Variants in SFXN5 observed in about 807,000 individuals in gnomAD.
SFXN5 encodes the protein sideroflexin 5, also known as sideroflexin-5.
In SFXN5, 43 loss-of-function variants were observed where a neutral mutation model predicts 50.2. That is an observed-to-expected ratio of 0.86 (90% confidence interval 0.67 to 1.11). The LOEUF (loss-of-function observed/expected upper bound fraction) is 1.11, where lower values mean the gene tolerates loss of function less well. SFXN5 is among the 50% of genes least tolerant of loss of function. The probability of loss-of-function intolerance (pLI) is 0.00; values close to 1 mark genes in which losing one functional copy is unlikely to be tolerated. For synonymous variants in SFXN5, 203 were observed against 185.8 expected (o/e 1.09, Z -0.75); for missense variants, 463 against 454.1 (o/e 1.02, Z -0.18).
At position 72,992,749 on chromosome 2, in the gene SFXN5, C is replaced by T. The variant is rs1672751848; in HGVS notation, c.535-4401G>A. Among the ~76,000 whole-genome samples the T allele has an allele frequency of 6.6e-6, 1 of 152,230 alleles. No individual in the cohort carries two copies. Among genetic ancestry groups the T allele is most frequent in the African/African-American group, 2.4e-5 (1 of 41,456 alleles). ...GACAGTGCACCTCCTAACCAGGCCCCCTGTTTCCACTCTTGCCCCCATCCA... is the reference window on the plus strand; with the variant it reads ...GACAGTGCACCTCCTAACCAGGCCCTCTGTTTCCACTCTTGCCCCCATCCA... On this transcript the variant is annotated intron_variant, in intron 9 of 13. Coordinates refer to ENST00000272433, the MANE Select transcript of SFXN5 (RefSeq NM_144579.3). This position sits in a 1 kb window ranked among gnomAD's most constrained non-coding sequence, Gnocchi z 4.5.
rs1211626188 is a variant in SFXN5, at chr2:73,020,335, C to T, written c.332-71G>A. 5.9e-6 allele frequency: 9 copies of T among 1,519,642 alleles called. No individual in the cohort carries two copies. In the East Asian group the frequency reaches 6.8e-5, roughly 11 times the overall value. The allele number at this position is 1,519,642 out of a possible 1,614,324, so 94.1% of individuals were successfully genotyped here. On this transcript the variant is annotated intron_variant, in intron 5 of 13. Transcript: ENST00000272433. Reference sequence around the variant, plus strand: ...CTCACCTGAGATACCCAGGAGCCTCCGGGTTAGGTCTTAGGCTATCAGTGG... The same window carrying T: ...CTCACCTGAGATACCCAGGAGCCTCTGGGTTAGGTCTTAGGCTATCAGTGG...
intron 2 of SFXN5, among the ~76,000 whole-genome samples, chr2:73,047,146 C>A (rs1680440008): frequency 7.1e-6 from 1 of 140,492 alleles, no homozygotes; most frequent in Admixed American, 7.6e-5. Flanking sequence ...ATTGCTTGAA[C>A]CTGGGAGGCT....
At chr2:73,040,771 T>C in intron 3 of SFXN5, 83 bp downstream of exon 3, 2 of 1,143,258 alleles carry the variant, frequency 1.7e-6, no homozygotes, top group Admixed American at 4.1e-5. Flanking sequence ...AAAGAAGTGG[T>C]TCTGGCTGCA....
chr2:72,988,310 G>A lies in SFXN5; in HGVS notation c.573C>T (p.Phe191=). 6.2e-7 allele frequency: 1 copy of A among 1,613,892 alleles called. No individual in the cohort carries two copies. The highest frequency in any genetic ancestry group is 8.5e-7 in the Non-Finnish European group (1 of 1,179,822). ...LNVLVQKANK[F]TPATRLLIQR... is the part of the protein sequence containing the mutation. ...GGATGAGAAGGCGGGTGGCTGGGGTGAACTTGTTGGCTTTCTGAACCAGGA... is the reference window on the plus strand; with the variant it reads ...GGATGAGAAGGCGGGTGGCTGGGGTAAACTTGTTGGCTTTCTGAACCAGGA... Residue 191 remains phenylalanine, a synonymous_variant, in exon 10 of 14, where the codon TTC becomes TTT. Coordinates refer to ENST00000272433, the MANE Select transcript of SFXN5 (RefSeq NM_144579.3).
chr2:73,009,573 T>C (rs1052189984), intron 6 of SFXN5, among the ~76,000 whole-genome samples: 5 of 152,244 alleles, frequency 3.3e-5, no homozygotes, highest in African/African-American at 4.8e-5. Context: ...CTCGTAGAGC[T>C]GCTGGGAGGT....
chr2:72,991,106 G>C (rs1353652196), intron 9 of SFXN5, among the ~76,000 whole-genome samples: 1 of 152,240 alleles, frequency 6.6e-6, no homozygotes, highest in Non-Finnish European at 1.5e-5. Flanking sequence ...CTTGGGGGTA[G>C]GCAGGGCTGG....
At chr2:72,982,485 TG>T (rs1671426753) in intron 10 of SFXN5, among the ~76,000 whole-genome samples, 2 of 152,220 alleles carry the variant, frequency 1.3e-5, no homozygotes, top group South Asian at 4.1e-4. Context: ...AGCACTCATT[TG>T]ATCATTGAAT....
chr2:73,024,788 T>C lies in SFXN5; in HGVS notation c.250-1574A>G, dbSNP rs1481698924. Among the ~76,000 whole-genome samples the C allele has an allele frequency of 2.6e-5, 4 of 152,246 alleles. 1 individual carries two copies. Among genetic ancestry groups the C allele is most frequent in the Admixed American group, 6.5e-5 (1 of 15,286 alleles). ...TAAAGTTTTATAATAGAATGGTTGT[T>C]ATGCTTCATGTATATGGCAATGTTG... On this transcript the variant is annotated intron_variant, in intron 3 of 13. Coordinates refer to ENST00000272433, the MANE Select transcript of SFXN5 (RefSeq NM_144579.3).
chr2:72,951,647 C>T (rs1256570261), intron 13 of SFXN5, among the ~76,000 whole-genome samples: 1 of 150,322 alleles, frequency 6.7e-6, no homozygotes, highest in Non-Finnish European at 1.5e-5. Context: ...GGGCTTTTAC[C>T]TACTACAAAG....
chr2:72,955,668 C>A (rs536585912), intron 13 of SFXN5, among the ~76,000 whole-genome samples: 4 of 152,358 alleles, frequency 2.6e-5, no homozygotes, highest in Admixed American at 2.0e-4. Context: ...GTTAGAGGGA[C>A]ATTTGCCACC....
At chr2:72,981,996 T>C (rs62147697) in intron 10 of SFXN5, among the ~76,000 whole-genome samples, 25,220 of 142,932 alleles carry the variant, frequency 0.18, 2,271 homozygotes, top group East Asian at 0.33. Context: ...TGTGTGTGTG[T>C]GCGTGCCATT....
chr2:72,950,751 C>G lies in SFXN5; in HGVS notation c.946-5652G>C, dbSNP rs1052082175. Among the ~76,000 whole-genome samples, 1 of 152,246 alleles carries G rather than the reference C, an allele frequency of 6.6e-6. No homozygotes were observed. ...AAAGTGACTCAGGTCTGAGCAAAGG[C>G]AATAAAGCATCTCTTCCTGCTGCCC... is the stretch of plus-strand genomic sequence containing the variant. On this transcript the variant is annotated intron_variant, in intron 13 of 13. Coordinates refer to ENST00000272433, the MANE Select transcript of SFXN5 (RefSeq NM_144579.3). The surrounding 1 kb of genome is among the most constrained non-coding windows in gnomAD (Gnocchi z 4.2).
At chr2:73,025,873 G>A (rs1246779896) in intron 3 of SFXN5, among the ~76,000 whole-genome samples, 1 of 152,202 alleles carries the variant, frequency 6.6e-6, no homozygotes, top group Non-Finnish European at 1.5e-5. Flanking sequence ...CTCCAGAGAA[G>A]CTAAATCACA....
At chr2:72,965,187 G>A (rs964934682) in intron 12 of SFXN5, among the ~76,000 whole-genome samples, 5 of 152,168 alleles carry the variant, frequency 3.3e-5, no homozygotes, top group African/African-American at 4.8e-5. Context: ...GACGTTGAGG[G>A]GAGCACGCTG....
At chr2:73,059,549 C>A in intron 1 of SFXN5, 3 of 985,334 alleles carry the variant, frequency 3.0e-6, no homozygotes, top group South Asian at 9.4e-5. Context: ...AAGGACCCTG[C>A]AATAGGCTCC....
At chr2:73,058,906 A>G (rs992754896) in intron 1 of SFXN5, 4 of 392,964 alleles carry the variant, frequency 1.0e-5, no homozygotes, top group East Asian at 7.1e-5. Flanking sequence ...AAAGCTCCCA[A>G]GCATCCCTGG....
chr2:72,954,663 G>A (rs1383828801), intron 13 of SFXN5, among the ~76,000 whole-genome samples: 1 of 152,186 alleles, frequency 6.6e-6, no homozygotes, highest in Non-Finnish European at 1.5e-5. Context: ...ACAGCTGCAG[G>A]GAGGACAAAG....
chr2:73,022,187 C>T (rs1452239678), intron 5 of SFXN5, among the ~76,000 whole-genome samples: 4 of 152,172 alleles, frequency 2.6e-5, no homozygotes, highest in Admixed American at 2.0e-4. Flanking sequence ...CTTGCAGAAG[C>T]CAGGGCTTGC....
intron 6 of SFXN5, among the ~76,000 whole-genome samples, chr2:73,011,392 G>T (rs1280078763): frequency 1.3e-5 from 2 of 152,108 alleles, no homozygotes; most frequent in Non-Finnish European, 2.9e-5. Flanking sequence ...GTGTGGAGTG[G>T]AAAAAGACTC....
Sources: allele counts gnomAD v4.1 joint callset (sites outside exome capture counted in the v4.1 genomes callset), GRCh38; gene constraint gnomAD v4.1.1; non-coding constraint Gnocchi (gnomAD v3.1); transcripts MANE v1.5; gene names NCBI Gene and HGNC (gene_info 2026-07-23, HGNC 2026-07-21).